Variants in FAM162B observed in about 807,000 individuals in gnomAD.
The protein encoded by FAM162B is family with sequence similarity 162 member B.
In FAM162B, 16 loss-of-function variants were observed where a neutral mutation model predicts 20.0. The observed-to-expected ratio is 0.80, with a 90% CI of 0.54 to 1.21. The LOEUF is 1.21. Ranked by LOEUF, FAM162B falls within the 50% of genes most tolerant of loss-of-function variation. FAM162B has a pLI of 0.00. For synonymous variants in FAM162B, 83 were observed against 89.7 expected (o/e 0.93, Z 0.42); for missense variants, 260 against 227.5 (o/e 1.14, Z -0.92).
intron 3 of FAM162B, among the ~76,000 whole-genome samples, chr6:116,761,086 G>C (rs919310502): frequency 9.2e-5 from 14 of 152,192 alleles, no homozygotes; most frequent in Admixed American, 6.5e-4. Flanking sequence ...GGAGTGTATT[G>C]AGAGGACAGC....
intron 2 of FAM162B, among the ~76,000 whole-genome samples, chr6:116,764,431 A>G (rs1411565505): frequency 6.6e-6 from 1 of 152,152 alleles, no homozygotes; most frequent in Non-Finnish European, 1.5e-5. Context: ...GAAACTTTGG[A>G]AAGATTTTTT....
chr6:116,764,585 C>G (rs1216304976), intron 2 of FAM162B, among the ~76,000 whole-genome samples: 3 of 152,078 alleles, frequency 2.0e-5, no homozygotes, highest in Non-Finnish European at 4.4e-5. Context: ...CCCGCGCGTC[C>G]CACCCTGAGT....
chr6:116,756,039 A>C (rs1192181176), intron 3 of FAM162B, among the ~76,000 whole-genome samples: 1 of 152,232 alleles, frequency 6.6e-6, no homozygotes, highest in East Asian at 1.9e-4. Context: ...TCTTCAGCCC[A>C]TGGAAAAAGG....
intron 3 of FAM162B, among the ~76,000 whole-genome samples, chr6:116,753,959 T>C (rs1346973033): frequency 6.6e-6 from 1 of 152,154 alleles, no homozygotes; most frequent in Non-Finnish European, 1.5e-5. Flanking sequence ...AGATAAACGA[T>C]TTTCATTCCC....
chr6:116,761,702 T>TTA lies in FAM162B; in HGVS notation c.390+273_390+274dup, dbSNP rs987862180. Among the ~76,000 whole-genome samples, 11 of 143,180 alleles carry TTA rather than the reference T, an allele frequency of 7.7e-5. No homozygotes were observed. The East Asian group carries it at 1.4e-3, about 18-fold the overall frequency. 93.9% of individuals were successfully genotyped at this position (143,180 alleles called of 152,430 possible). A position where few individuals can be genotyped will look rare whatever the true frequency, so the allele number is the denominator to read the frequency against. ...TATACATATATACATATATAAATAC[T>TTA]TATATATATACTTGTATATATACTT... is the stretch of plus-strand genomic sequence containing the variant. On this transcript the variant is annotated intron_variant, in intron 3 of 3. Coordinates refer to ENST00000368557, the MANE Select transcript of FAM162B (RefSeq NM_001085480.3).
chr6:116,762,204 G>GT, intron 2 of FAM162B, 119 bp from the exon 3 acceptor site: 1 of 716,044 alleles, frequency 1.4e-6, no homozygotes, highest in East Asian at 2.7e-5. Flanking sequence ...ACTGCATTTG[G>GT]TGACATTTTC....
chr6:116,762,645 T>G (rs573207885), intron 2 of FAM162B, among the ~76,000 whole-genome samples: 2 of 152,292 alleles, frequency 1.3e-5, no homozygotes, highest in East Asian at 3.9e-4. Context: ...GCAATAATTT[T>G]TTGTTAAACG....
intron 3 of FAM162B, among the ~76,000 whole-genome samples, chr6:116,754,544 T>A (rs1780030942): frequency 6.6e-6 from 1 of 152,184 alleles, no homozygotes. Flanking sequence ...TAACATTTAA[T>A]AGAAGAGTTG....
chr6:116,754,599 G>A (rs953875710), intron 3 of FAM162B, among the ~76,000 whole-genome samples: 2 of 152,164 alleles, frequency 1.3e-5, no homozygotes, highest in Non-Finnish European at 2.9e-5. Flanking sequence ...GAGATATCTT[G>A]AGGAACCTGT....
Position 116,762,090 on chromosome 6 carries a change from A to G in FAM162B, c.282-5T>C. On this transcript the variant is annotated splice_polypyrimidine_tract_variant and splice_region_variant and intron_variant, in intron 2 of 3. Transcript: ENST00000368557. ...GCGGTGTCTATCATTTCTGGCCTAA[A>G]CAAAGATGTGTATTTTGTTAAATAT... is the stretch of plus-strand genomic sequence containing the variant. 1 of 1,555,300 alleles carries G rather than the reference A, an allele frequency of 6.4e-7. No homozygotes were observed. The highest frequency in any genetic ancestry group is 8.8e-7 in the Non-Finnish European group (1 of 1,138,312).
At chr6:116,761,956 C>A (rs1234770822) in intron 3 of FAM162B, 21 bp downstream of exon 3, 2 of 1,547,700 alleles carry the variant, frequency 1.3e-6, no homozygotes, top group Admixed American at 1.7e-5. Context: ...AACTGACTTG[C>A]CCTTTTAAGG....
chr6:116,757,993 T>C (rs755527288), intron 3 of FAM162B, among the ~76,000 whole-genome samples: 1 of 152,150 alleles, frequency 6.6e-6, no homozygotes, highest in Non-Finnish European at 1.5e-5. Flanking sequence ...GTTTTTGGTT[T>C]TGAAGAGGGA....
chr6:116,755,413 G>A (rs1006772375), intron 3 of FAM162B, among the ~76,000 whole-genome samples: 1 of 152,184 alleles, frequency 6.6e-6, no homozygotes, highest in African/African-American at 2.4e-5. Flanking sequence ...TGAGAGAGGT[G>A]GGAAAGCAGT....
At chr6:116,761,881 G>T in intron 3 of FAM162B, 96 bp downstream of exon 3, 2 of 811,180 alleles carry the variant, frequency 2.5e-6, no homozygotes, top group Non-Finnish European at 3.8e-6. Flanking sequence ...TGACTAAGGA[G>T]GTACTCACCC....
intron 3 of FAM162B, among the ~76,000 whole-genome samples, chr6:116,753,543 G>A (rs1472571169): frequency 1.3e-5 from 2 of 152,100 alleles, no homozygotes; most frequent in African/African-American, 4.8e-5. Context: ...CTGAGAGGAG[G>A]AAAACAGTAC....
At chr6:116,763,373 T>G (rs1771845417) in intron 2 of FAM162B, among the ~76,000 whole-genome samples, 1 of 152,154 alleles carries the variant, frequency 6.6e-6, no homozygotes, top group African/African-American at 2.4e-5. Context: ...ATATGTCCAT[T>G]AAAAGGTAAA....
intron 3 of FAM162B, among the ~76,000 whole-genome samples, chr6:116,761,608 T>A (rs114301294): frequency 0.087 from 12,805 of 146,370 alleles, 621 homozygotes; most frequent in Admixed American, 0.15. Context: ...CCAGTATTTT[T>A]TATATATATA....
At position 116,752,658 on chromosome 6, in the gene FAM162B, A is replaced by C. The variant is rs1273580999; in HGVS notation, c.428T>G (p.Leu143Trp). 1.9e-6 allele frequency: 3 copies of C among 1,589,518 alleles called. No homozygotes were observed. In the African/African-American group the frequency reaches 4.1e-5, roughly 22 times the overall value. The change falls in exon 4 of 4, where the codon TTG becomes TGG. Residue 143 changes from leucine to tryptophan, a missense_variant. Coordinates refer to ENST00000368557, the MANE Select transcript of FAM162B (RefSeq NM_001085480.3). ...ERHESLTSWN[L>W]AKKAKWREEA... ...TTCACGCCACTTAGCTTTCTTTGCCAAGTTCCAACTTGTTAAGGATTCATG... is the reference window on the plus strand; with the variant it reads ...TTCACGCCACTTAGCTTTCTTTGCCCAGTTCCAACTTGTTAAGGATTCATG...
chr6:116,756,048 GGT>G (rs1405668566), intron 3 of FAM162B, among the ~76,000 whole-genome samples: 1 of 152,048 alleles, frequency 6.6e-6, no homozygotes, highest in East Asian at 1.9e-4. Context: ...CATGGAAAAA[GGT>G]GTCATTTCAA....
Sources: gnomAD v4.1 joint callset for allele counts (sites outside exome capture counted in the v4.1 genomes callset) on GRCh38, gnomAD v4.1.1 for gene constraint, MANE v1.5 for transcripts, NCBI Gene and HGNC (gene_info 2026-07-23, HGNC 2026-07-21) for gene names.